Variants in FGF13 observed in about 807,000 individuals in gnomAD.
The protein encoded by FGF13 is fibroblast growth factor 13, also known as fibroblast growth factor homologous factor 2.
A neutral mutation model predicts 19.5 loss-of-function variants in FGF13; 2 were observed. The observed-to-expected ratio is 0.10, with a 90% confidence interval of 0.04 to 0.32. The LOEUF (loss-of-function observed/expected upper bound fraction) is 0.32. FGF13 is among the 10% of genes least tolerant of loss of function. The pLI is 1.00. For missense variants in FGF13, 113 were observed against 192.7 expected, an observed-to-expected ratio of 0.59 and a Z score of 2.45; for synonymous variants, 72 against 76.9, an observed-to-expected ratio of 0.94 and a Z score of 0.33.
At chrX:138,921,971 C>CAAAAAAAAAAA (rs35464038) in intron 1 of FGF13, among the ~76,000 whole-genome samples, 7 of 67,425 alleles carry the variant, frequency 1.0e-4, no homozygotes, top group Admixed American at 3.8e-4. Context: ...TTATGGAACT[C>CAAAAAAAAAAA]AAAAAAAAAA....
intron 1 of FGF13, among the ~76,000 whole-genome samples, chrX:138,992,247 A>T (rs988756315): frequency 1.1e-4 from 12 of 110,999 alleles, no homozygotes; most frequent in Admixed American, 5.8e-4. Context: ...GTCTTTTGTG[A>T]TATGGTGCAA....
At chrX:138,882,855 C>T (rs1468603352) in intron 1 of FGF13, among the ~76,000 whole-genome samples, 2 of 111,372 alleles carry the variant, frequency 1.8e-5, no homozygotes, top group South Asian at 3.8e-4. Flanking sequence ...CCTTCCCTCC[C>T]TCAAGCCTCC....
intron 3 of FGF13, among the ~76,000 whole-genome samples, chrX:138,687,953 A>AT (rs35630753): frequency 0.05 from 4,908 of 97,871 alleles, 114 homozygotes; most frequent in African/African-American, 0.06. Flanking sequence ...AAAAAATTGG[A>AT]TTTTTTTTTT....
At chrX:139,166,228 G>C (rs1418517951) in intron 1 of FGF13, among the ~76,000 whole-genome samples, 1 of 111,649 alleles carries the variant, frequency 9.0e-6, no homozygotes, top group African/African-American at 3.3e-5. Context: ...GAATCATGGG[G>C]GCAGTTACCC....
chrX:138,898,232 C>A (rs958182117), intron 1 of FGF13, among the ~76,000 whole-genome samples: 3 of 111,932 alleles, frequency 2.7e-5, no homozygotes, highest in African/African-American at 9.7e-5. Context: ...ATTGCACACC[C>A]TTTAACTACC....
rs1569347614 is a variant in FGF13 at position 138,625,484 on chromosome X, A to AATATATATATATACATATATATATATAAT, written c.*7337_*7365dup. 2.5e-4 allele frequency: 23 copies of AATATATATATATACATATATATATATAAT among 93,787 alleles called. No individual in the cohort carries two copies. The highest frequency in any genetic ancestry group is 9.1e-4 in the African/African-American group (21 of 23,031). 7.7% of individuals were successfully genotyped at this position (93,787 alleles called of 1,213,427 possible). On this transcript the variant is annotated 3_prime_UTR_variant, in exon 5 of 5. Coordinates refer to ENST00000315930, the MANE Select transcript of FGF13 (RefSeq NM_004114.5). ...TATATATATATACATATATATATATAATATATATATATACATATATATATA... is the reference window on the plus strand; with the variant it reads ...TATATATATATACATATATATATATAATATATATATATACATATATATATATAATATATATATATATACATATATATATA...
intron 3 of FGF13, among the ~76,000 whole-genome samples, chrX:138,748,280 T>C (rs1390140299): frequency 9.0e-6 from 1 of 111,702 alleles, no homozygotes; most frequent in Non-Finnish European, 1.9e-5. Flanking sequence ...TAACCCCCAA[T>C]GTGACTGTAT....
Position 139,004,461 on chromosome X carries a change from G to C in FGF13, c.-112-139811C>G, listed in dbSNP as rs143095249. 6.0e-3 allele frequency among the ~76,000 whole-genome samples: 678 copies of C among 112,516 alleles called. 5 individuals carry two copies. The highest frequency in any genetic ancestry group is 0.02 in the African/African-American group (620 of 31,013). ...GTGGGCTCCAGCCTTGGCCAGCCCA[G>C]AAAGCGGCTCCCACAGTGCAGTGGT... On this transcript the variant is annotated intron_variant, in intron 1 of 2. Coordinates refer to the FGF13 transcript ENST00000421460.
Position 138,810,317 on chromosome X carries a change from AAACC to A in FGF13, c.217+47191_217+47194del, listed in dbSNP as rs2090912109. 7.1e-5 allele frequency among the ~76,000 whole-genome samples: 8 copies of A among 111,921 alleles called. No homozygotes were observed. The South Asian group carries it at 3.0e-3, about 42-fold the overall frequency. ...CATCTATAAGCATCTGATCTTTGACAAACCTGAGAAAAACAAGCAATGGGGAAAG... is the reference window on the plus strand; with the variant it reads ...CATCTATAAGCATCTGATCTTTGACATGAGAAAAACAAGCAATGGGGAAAG... On this transcript the variant is annotated intron_variant, in intron 3 of 6. Transcript: ENST00000436198.
At chrX:138,837,384 C>T (rs967989397) in intron 3 of FGF13, among the ~76,000 whole-genome samples, 1 of 111,501 alleles carries the variant, frequency 9.0e-6, no homozygotes, top group African/African-American at 3.3e-5. Context: ...TAGCCAGAGA[C>T]CCCAGGTGCG....
chrX:139,010,360 A>G (rs2092123220), intron 1 of FGF13, among the ~76,000 whole-genome samples: 1 of 111,614 alleles, frequency 9.0e-6, no homozygotes, highest in African/African-American at 3.3e-5. Flanking sequence ...CATTCCATTC[A>G]TAAGGACATG....
intron 3 of FGF13, among the ~76,000 whole-genome samples, chrX:138,816,536 G>C (rs1168970804): frequency 8.9e-6 from 1 of 112,636 alleles, no homozygotes; most frequent in African/African-American, 3.2e-5. Flanking sequence ...AGCATTTCTT[G>C]TAATTGCAAA....
chrX:138,672,043 G>A (rs1335146687), intron 3 of FGF13, among the ~76,000 whole-genome samples: 1 of 108,569 alleles, frequency 9.2e-6, no homozygotes, highest in Non-Finnish European at 1.9e-5. Context: ...GGTTTGTCAT[G>A]ATGTGAAGAA....
chrX:138,916,870 T>TCC (rs747870459), intron 1 of FGF13, among the ~76,000 whole-genome samples: 10 of 111,689 alleles, frequency 9.0e-5, no homozygotes, highest in African/African-American at 2.9e-4. Flanking sequence ...AGTCAAGGTG[T>TCC]CCCGGCTTCT....
intron 1 of FGF13, among the ~76,000 whole-genome samples, chrX:139,137,880 C>T (rs907622475): frequency 8.0e-5 from 9 of 112,104 alleles, no homozygotes; most frequent in Non-Finnish European, 5.6e-5. Context: ...TGCCTGCTCA[C>T]TGGCCAATGC....
intron 1 of FGF13, among the ~76,000 whole-genome samples, chrX:139,091,668 A>C (rs1273244368): frequency 8.9e-6 from 1 of 111,818 alleles, no homozygotes; most frequent in Non-Finnish European, 1.9e-5. Flanking sequence ...GTGTCAAAAG[A>C]AGCTTAGTAA....
At chrX:138,873,858 G>A (rs1167763686) in intron 1 of FGF13, among the ~76,000 whole-genome samples, 18 of 109,790 alleles carry the variant, frequency 1.6e-4, no homozygotes, top group Non-Finnish European at 1.9e-5. Context: ...TTGTAGGGAC[G>A]TGGATGAAAG....
intron 1 of FGF13, among the ~76,000 whole-genome samples, chrX:138,721,480 C>T (rs2090147202): frequency 9.0e-6 from 1 of 111,553 alleles, no homozygotes; most frequent in Non-Finnish European, 1.9e-5. Flanking sequence ...TAGCTATCAA[C>T]TCTTTACTTA....
chrX:138,896,806 A>G (rs2091506679), intron 1 of FGF13, among the ~76,000 whole-genome samples: 1 of 111,175 alleles, frequency 9.0e-6, no homozygotes, highest in African/African-American at 3.3e-5. Flanking sequence ...CCTCAACCTT[A>G]CCTGTGCCAC....
Sources: allele counts gnomAD v4.1 joint callset (sites outside exome capture counted in the v4.1 genomes callset), GRCh38; gene constraint gnomAD v4.1.1; transcripts MANE v1.5; gene names NCBI Gene and HGNC (gene_info 2026-07-23, HGNC 2026-07-21).